DNAJC8: variants seen among roughly 807,000 people sequenced by gnomAD.
DNAJC8 encodes the protein dnaJ homolog subfamily C member 8.
A neutral mutation model predicts 43.2 loss-of-function variants in DNAJC8; 24 were observed. The observed-to-expected ratio is 0.56, with a 90% CI of 0.40 to 0.78. DNAJC8 has a LOEUF of 0.78. DNAJC8 is among the 30% of genes least tolerant of loss of function. The pLI is 0.00. For missense variants in DNAJC8, 207 were observed against 299.4 expected (o/e 0.69, Z 2.28); for synonymous variants, 83 against 98.0 (o/e 0.85, Z 0.90).
chr1:28,222,105 T>C (rs1646902167), intron 2 of DNAJC8, among the ~76,000 whole-genome samples: 1 of 152,124 alleles, frequency 6.6e-6, no homozygotes, highest in Non-Finnish European at 1.5e-5. Context: ...TATTGTTTAA[T>C]GGGTATACAA....
At chr1:28,220,115 T>C (rs567107805) in intron 2 of DNAJC8, among the ~76,000 whole-genome samples, 41 of 151,554 alleles carry the variant, frequency 2.7e-4, no homozygotes, top group African/African-American at 9.6e-4. Context: ...TTTCACCACA[T>C]GATTGGGCAA....
At chr1:28,225,997 C>T (rs540997703) in intron 2 of DNAJC8, among the ~76,000 whole-genome samples, 4 of 151,100 alleles carry the variant, frequency 2.6e-5, no homozygotes, top group African/African-American at 9.7e-5. Flanking sequence ...AGCCACCACA[C>T]CTGGCCAAAA....
chr1:28,222,895 G>A (rs190772074), intron 2 of DNAJC8, among the ~76,000 whole-genome samples: 1 of 152,172 alleles, frequency 6.6e-6, no homozygotes, highest in Non-Finnish European at 1.5e-5. Flanking sequence ...GGGGGAAAAT[G>A]TCAGCATGGG....
intron 4 of DNAJC8, 77 bp downstream of exon 4, chr1:28,210,494 G>T: frequency 1.5e-6 from 2 of 1,315,306 alleles, no homozygotes; most frequent in Non-Finnish European, 2.2e-6. Flanking sequence ...AACAGTCTTT[G>T]CTTGATCTAG....
At chr1:28,207,975 G>A (rs1646781564) in intron 6 of DNAJC8, among the ~76,000 whole-genome samples, 1 of 152,084 alleles carries the variant, frequency 6.6e-6, no homozygotes. Context: ...GGGAGGCCAA[G>A]GCAGGCGGAT....
chr1:28,220,312 C>T (rs886713802), intron 2 of DNAJC8, among the ~76,000 whole-genome samples: 3 of 152,190 alleles, frequency 2.0e-5, no homozygotes, highest in Non-Finnish European at 2.9e-5. Flanking sequence ...TACCTGCGGC[C>T]GGTCCTCTTT....
chr1:28,228,428 A>G (rs906531095), intron 2 of DNAJC8, among the ~76,000 whole-genome samples: 41 of 151,754 alleles, frequency 2.7e-4, no homozygotes, highest in Non-Finnish European at 5.4e-4. Context: ...ATCCTTATAT[A>G]TTTGGGTTGC....
intron 2 of DNAJC8, among the ~76,000 whole-genome samples, chr1:28,220,903 G>A (rs1451757760): frequency 6.6e-6 from 1 of 152,076 alleles, no homozygotes; most frequent in Non-Finnish European, 1.5e-5. Flanking sequence ...AGGCTTTTAG[G>A]ATATGGAGGG....
At chr1:28,215,484 A>G (rs922868801) in intron 2 of DNAJC8, among the ~76,000 whole-genome samples, 1 of 152,172 alleles carries the variant, frequency 6.6e-6, no homozygotes, top group African/African-American at 2.4e-5. Context: ...CCACTCTACG[A>G]AAGTCTGATT....
chr1:28,207,674 T>C (rs1404543219), intron 6 of DNAJC8, among the ~76,000 whole-genome samples: 2 of 149,846 alleles, frequency 1.3e-5, no homozygotes, highest in East Asian at 4.3e-4. Flanking sequence ...GAACTCCTGA[T>C]CTCATGATCC....
intron 2 of DNAJC8, among the ~76,000 whole-genome samples, chr1:28,220,519 C>T (rs1253801269): frequency 1.3e-5 from 2 of 152,172 alleles, no homozygotes; most frequent in Non-Finnish European, 2.9e-5. Context: ...GAGTGGCCGT[C>T]ATCAGGTAAG....
rs560393949 is a variant in DNAJC8, at chr1:28,210,220, T to C, written c.305-154A>G. On this transcript the variant is annotated intron_variant, in intron 4 of 8. Transcript: ENST00000263697. The stretch of plus-strand genomic sequence containing the variant: ...CTAAGTTAAAAAAAACATTCAACTA[T>C]AGCAATGACTTTCCTTAAGAGCCTT... 46 of 661,986 alleles carry C rather than the reference T, an allele frequency of 6.9e-5. No homozygotes were observed. The South Asian group carries it at 7.8e-4, about 11-fold the overall frequency. The allele number at this position is 661,986 out of a possible 1,614,324, so 41.0% of individuals were successfully genotyped here.
rs375175168 is a variant in DNAJC8 at position 28,227,104 on chromosome 1, CTTTTTTT to C, written c.180+1811_180+1817del. On this transcript the variant is annotated intron_variant, in intron 2 of 8. Coordinates refer to ENST00000263697, the MANE Select transcript of DNAJC8 (RefSeq NM_014280.3). ...AAAAAAAAAGAATTTCTCTCTCTCT[CTTTTTTT>C]TTTTTTTTTTTTTTTGGACAGGCGC... Among the ~76,000 whole-genome samples, 16 of 95,148 alleles carry C rather than the reference CTTTTTTT, an allele frequency of 1.7e-4. 1 individual carries two copies. Among genetic ancestry groups the C allele is most frequent in the African/African-American group, 5.5e-4 (14 of 25,464 alleles). 62.4% of individuals were successfully genotyped at this position (95,148 alleles called of 152,430 possible). A position where few individuals can be genotyped will look rare whatever the true frequency, so the allele number is the denominator to read the frequency against.
chr1:28,224,939 G>A (rs7518571), intron 2 of DNAJC8, among the ~76,000 whole-genome samples: 49,728 of 149,214 alleles, frequency 0.33, 10,280 homozygotes, highest in African/African-American at 0.53. Flanking sequence ...TTGAATCCCA[G>A]TATTTTGAAA....
chr1:28,230,635 T>C (rs1646967511), intron 1 of DNAJC8, among the ~76,000 whole-genome samples: 1 of 152,188 alleles, frequency 6.6e-6, no homozygotes, highest in Admixed American at 6.6e-5. Context: ...TTTGGTTTTT[T>C]GTTTGTTTTT....
chr1:28,221,000 T>C (rs1367691128), intron 2 of DNAJC8, among the ~76,000 whole-genome samples: 1 of 151,852 alleles, frequency 6.6e-6, no homozygotes, highest in Non-Finnish European at 1.5e-5. Flanking sequence ...GATAAGTTCC[T>C]GAACTCAAAA....
chr1:28,225,945 C>A (rs1021660727), intron 2 of DNAJC8, among the ~76,000 whole-genome samples: 5 of 150,602 alleles, frequency 3.3e-5, no homozygotes, highest in African/African-American at 1.2e-4. Context: ...CTAAAGTGAT[C>A]CTCCCACCTT....
chr1:28,209,907 C>T, intron 5 of DNAJC8, 65 bp downstream of exon 5: 2 of 1,433,706 alleles, frequency 1.4e-6, no homozygotes, highest in Non-Finnish European at 9.8e-7. Context: ...CATATGTACC[C>T]TTCTACAAGG....
rs1322749036 is a variant in DNAJC8 at position 28,200,512 on chromosome 1, C to T, written c.*736G>A. On this transcript the variant is annotated 3_prime_UTR_variant, in exon 9 of 9. Coordinates refer to ENST00000263697, the MANE Select transcript of DNAJC8 (RefSeq NM_014280.3). ...CATTTTGGGGTTCAGCCAAGCCAGA[C>T]AAGGGACCCACAAGGGAGAGTACAA... 2.2e-6 allele frequency: 1 copy of T among 456,366 alleles called. No individual in the cohort carries two copies. The highest frequency in any genetic ancestry group is 4.4e-6 in the Non-Finnish European group (1 of 226,814). The allele number at this position is 456,366 out of a possible 1,614,324, so 28.3% of individuals were successfully genotyped here.
Sources: allele counts gnomAD v4.1 joint callset (sites outside exome capture counted in the v4.1 genomes callset), GRCh38; gene constraint gnomAD v4.1.1; transcripts MANE v1.5; gene names NCBI Gene and HGNC (gene_info 2026-07-23, HGNC 2026-07-21).